The following COL24A1 variants were observed in gnomAD, a reference collection of about 807,000 sequenced individuals.
COL24A1 encodes the protein collagen alpha-1(XXIV) chain.
A neutral mutation model predicts 253.9 loss-of-function variants in COL24A1; 224 were observed. The observed-to-expected ratio is 0.88, with a 90% CI of 0.79 to 0.99. COL24A1 has a LOEUF of 0.99. Ranked by LOEUF, COL24A1 falls within the 50% of genes least tolerant of loss-of-function variation. The probability of loss-of-function intolerance (pLI) is 0.00; values close to 1 mark genes in which losing one functional copy is unlikely to be tolerated. For missense variants in COL24A1, 2,131 were observed against 2,068.5 expected (o/e 1.03, Z -0.59); for synonymous variants, 685 against 673.7 (o/e 1.02, Z -0.26).
chr1:85,813,068 T>C (rs536313916), intron 47 of COL24A1, among the ~76,000 whole-genome samples: 2 of 152,054 alleles, frequency 1.3e-5, no homozygotes, highest in Non-Finnish European at 2.9e-5. Flanking sequence ...GCACGAATTA[T>C]ATGTCAGAAG....
chr1:85,862,482 T>C (rs567963650), intron 37 of COL24A1, among the ~76,000 whole-genome samples: 3 of 152,254 alleles, frequency 2.0e-5, no homozygotes, highest in Admixed American at 6.5e-5. Flanking sequence ...GATACAGGAA[T>C]AGAAAAAATG....
intron 53 of COL24A1, among the ~76,000 whole-genome samples, chr1:85,768,169 T>A (rs1425245921): frequency 6.6e-6 from 1 of 152,108 alleles, no homozygotes; most frequent in Admixed American, 6.6e-5. Context: ...AAAAAAGGCA[T>A]ATTCCTAAGA....
At chr1:85,840,453 T>C (rs1385574786) in intron 42 of COL24A1, among the ~76,000 whole-genome samples, 1 of 152,128 alleles carries the variant, frequency 6.6e-6, no homozygotes, top group Non-Finnish European at 1.5e-5. Context: ...CTTTCAACCA[T>C]CTCCAAAGAG....
chr1:86,122,427 C>G (rs1396080576), intron 3 of COL24A1, among the ~76,000 whole-genome samples: 1 of 152,006 alleles, frequency 6.6e-6, no homozygotes, highest in Non-Finnish European at 1.5e-5. Context: ...CTATCCAACT[C>G]TATAGTTTCA....
intron 18 of COL24A1, among the ~76,000 whole-genome samples, chr1:86,020,215 C>T (rs2101306970): frequency 6.6e-6 from 1 of 151,928 alleles, no homozygotes; most frequent in South Asian, 2.1e-4. Flanking sequence ...CTACAGGTGC[C>T]TGCCACTATG....
At chr1:85,969,604 CAAAAAAAAAAAAAAA>C (rs61128567) in intron 22 of COL24A1, among the ~76,000 whole-genome samples, 9 of 27,476 alleles carry the variant, frequency 3.3e-4, no homozygotes, top group South Asian at 1.9e-3. Flanking sequence ...GACTCTGTCT[CAAAAAAAAAAAAAAA>C]AAAAAAAAAA....
At chr1:86,022,635 C>T (rs1375527822) in intron 16 of COL24A1, 44 bp from the exon 17 acceptor site, 1 of 1,564,218 alleles carries the variant, frequency 6.4e-7, no homozygotes, top group Non-Finnish European at 8.7e-7. Context: ...GTATCACAAA[C>T]ATGGCAATAT....
At chr1:86,105,279 G>T (rs772124226) in intron 5 of COL24A1, among the ~76,000 whole-genome samples, 4 of 152,198 alleles carry the variant, frequency 2.6e-5, no homozygotes, top group African/African-American at 4.8e-5. Flanking sequence ...GTGGAACAAG[G>T]AAGGCAAGAT....
chr1:85,834,175 T>C (rs1675722828), intron 43 of COL24A1, among the ~76,000 whole-genome samples: 1 of 151,316 alleles, frequency 6.6e-6, no homozygotes. Context: ...TGAACTAAAG[T>C]AGGACAAAGT....
chr1:86,061,610 C>T (rs1701096637), intron 8 of COL24A1, among the ~76,000 whole-genome samples: 1 of 151,970 alleles, frequency 6.6e-6, no homozygotes, highest in African/African-American at 2.4e-5. Flanking sequence ...CTAAGTTCTG[C>T]TATACTAGAA....
chr1:86,014,306 CTT>C (rs890692316), intron 19 of COL24A1, among the ~76,000 whole-genome samples: 3 of 152,124 alleles, frequency 2.0e-5, no homozygotes, highest in African/African-American at 7.2e-5. Context: ...ATTTTACTGA[CTT>C]TTTATTATCA....
At chr1:85,960,350 G>A (rs983445347) in intron 24 of COL24A1, among the ~76,000 whole-genome samples, 1 of 152,076 alleles carries the variant, frequency 6.6e-6, no homozygotes, top group Admixed American at 6.6e-5. Context: ...ATTTGTTAGA[G>A]AATATTTTGG....
intron 24 of COL24A1, among the ~76,000 whole-genome samples, chr1:85,921,935 A>C (rs1686552329): frequency 1.3e-5 from 2 of 152,174 alleles, no homozygotes; most frequent in Admixed American, 6.5e-5. Flanking sequence ...GATTAGATGA[A>C]TGGCCAACTA....
At chr1:86,026,903 T>A (rs1698084066) in intron 14 of COL24A1, among the ~76,000 whole-genome samples, 1 of 152,130 alleles carries the variant, frequency 6.6e-6, no homozygotes. Flanking sequence ...GCTGAGGTGG[T>A]CTCAGGGTAA....
chr1:85,965,174 A>C (rs1388836495), intron 22 of COL24A1, 112 bp from the exon 23 acceptor site: 1 of 777,192 alleles, frequency 1.3e-6, no homozygotes, highest in Admixed American at 2.7e-5. Context: ...TAAATACTTT[A>C]AAATTATTTG....
intron 19 of COL24A1, among the ~76,000 whole-genome samples, chr1:86,002,737 A>G (rs762746399): frequency 2.0e-5 from 3 of 152,182 alleles, no homozygotes; most frequent in Admixed American, 6.5e-5. Context: ...TCAAAGATTC[A>G]TAAGCTGGCC....
intron 47 of COL24A1, among the ~76,000 whole-genome samples, chr1:85,803,382 A>G (rs1282484098): frequency 6.6e-6 from 1 of 150,482 alleles, no homozygotes; most frequent in Non-Finnish European, 1.5e-5. Flanking sequence ...GTGAGCTGAG[A>G]TCATGACACT....
At chr1:86,022,117 T>C in intron 18 of COL24A1, 123 bp downstream of exon 18, 6 of 863,032 alleles carry the variant, frequency 7.0e-6, no homozygotes, top group Non-Finnish European at 1.2e-5. Flanking sequence ...ATTTGCTATA[T>C]TCTAAAACTA....
intron 3 of COL24A1, among the ~76,000 whole-genome samples, chr1:86,121,755 T>C (rs757359519): frequency 6.6e-5 from 10 of 152,120 alleles, no homozygotes; most frequent in Non-Finnish European, 1.3e-4. Context: ...ATTTAACATA[T>C]GCAAACTTGT....
Sources: gnomAD v4.1 joint callset for allele counts (sites outside exome capture counted in the v4.1 genomes callset) on GRCh38, gnomAD v4.1.1 for gene constraint, MANE v1.5 for transcripts, NCBI Gene and HGNC (gene_info 2026-07-23, HGNC 2026-07-21) for gene names.